Variants in COPZ1 observed in about 807,000 individuals in gnomAD.
COPZ1 encodes coat protein complex I subunit zeta 1, also known as coatomer subunit zeta-1.
COPZ1 carries 4 observed loss-of-function variants against 31.7 expected under a neutral mutation model. That is an observed-to-expected ratio of 0.13 (90% CI 0.06 to 0.29). The LOEUF (loss-of-function observed/expected upper bound fraction) is 0.29, where lower values mean the gene tolerates loss of function less well. Ranked by LOEUF, COPZ1 falls within the 10% of genes least tolerant of loss-of-function variation. COPZ1 has a pLI of 1.00. For missense variants in COPZ1, 156 were observed against 211.5 expected, an observed-to-expected ratio of 0.74 and a Z score of 1.63; for synonymous variants, 74 against 79.0, an observed-to-expected ratio of 0.94 and a Z score of 0.33.
chr12:54,326,961 C>CTTTTTTTTTTTTTTTTTTT lies in COPZ1; in HGVS notation c.18+1799_18+1817dup, dbSNP rs60827109. On this transcript the variant is annotated intron_variant, in intron 1 of 8. Coordinates refer to ENST00000262061, the MANE Select transcript of COPZ1 (RefSeq NM_016057.3). ...CTGTACCAAGCAGTTAACAAGTATTCTTTTTTTTTTTTTTTTTTTTTTTTT... is the reference window on the plus strand; with the variant it reads ...CTGTACCAAGCAGTTAACAAGTATTCTTTTTTTTTTTTTTTTTTTTTTTTTTTTTTTTTTTTTTTTTTTT... Among the ~76,000 whole-genome samples the CTTTTTTTTTTTTTTTTTTT allele has an allele frequency of 1.4e-4, 6 of 43,568 alleles. 2 individuals are homozygous for CTTTTTTTTTTTTTTTTTTT. The highest frequency in any genetic ancestry group is 7.3e-4 in the South Asian group (1 of 1,364). 28.6% of individuals were successfully genotyped at this position (43,568 alleles called of 152,430 possible). A position where few individuals can be genotyped will look rare whatever the true frequency, so the allele number is the denominator to read the frequency against.
At chr12:54,328,386 A>C (rs567173338) in intron 1 of COPZ1, among the ~76,000 whole-genome samples, 2 of 152,156 alleles carry the variant, frequency 1.3e-5, no homozygotes, top group East Asian at 3.9e-4. Flanking sequence ...CCTGACCAAC[A>C]TGGTGAAACC....
At chr12:54,342,405 CT>C (rs1953987231) in intron 3 of COPZ1, 118 bp downstream of exon 3, 1 of 744,832 alleles carries the variant, frequency 1.3e-6, no homozygotes, top group Non-Finnish European at 2.3e-6. Flanking sequence ...TTTTTTCCTT[CT>C]TCCCCTTGTA....
chr12:54,333,733 G>C (rs1304757981), intron 1 of COPZ1, among the ~76,000 whole-genome samples: 1 of 152,128 alleles, frequency 6.6e-6, no homozygotes, highest in African/African-American at 2.4e-5. Flanking sequence ...CAAAACTCTT[G>C]TTGACTGTGC....
chr12:54,326,355 T>G (rs1377656014), intron 1 of COPZ1, among the ~76,000 whole-genome samples: 1 of 145,932 alleles, frequency 6.9e-6, no homozygotes, highest in African/African-American at 2.6e-5. Flanking sequence ...TTAGCCAGGA[T>G]GGTCTCGATC....
chr12:54,350,164 C>G, intron 8 of COPZ1: 1 of 674,450 alleles, frequency 1.5e-6, no homozygotes, highest in Non-Finnish European at 2.7e-6. Context: ...AGAAGTCCAT[C>G]TGGATTTGTT....
chr12:54,332,001 A>G (rs1204146861), intron 1 of COPZ1, among the ~76,000 whole-genome samples: 2 of 152,170 alleles, frequency 1.3e-5, no homozygotes, highest in Non-Finnish European at 2.9e-5. Context: ...ATAGTTGAAG[A>G]ATTAGGGACT....
intron 1 of COPZ1, among the ~76,000 whole-genome samples, chr12:54,333,522 G>C (rs1355997133): frequency 6.6e-6 from 1 of 152,112 alleles, no homozygotes; most frequent in African/African-American, 2.4e-5. Flanking sequence ...GGGAAAATTT[G>C]AGTTAATGGC....
intron 1 of COPZ1, among the ~76,000 whole-genome samples, chr12:54,328,932 G>A (rs905870566): frequency 6.6e-6 from 1 of 152,178 alleles, no homozygotes; most frequent in Non-Finnish European, 1.5e-5. Flanking sequence ...TGCATTGATT[G>A]TGGAATTTCT....
chr12:54,342,958 G>A (rs1954000846), intron 3 of COPZ1, among the ~76,000 whole-genome samples: 1 of 149,266 alleles, frequency 6.7e-6, no homozygotes, highest in Non-Finnish European at 1.5e-5. Context: ...CCAGGTTCAA[G>A]TGGTTCTCCC....
intron 8 of COPZ1, chr12:54,350,197 C>G: frequency 1.4e-6 from 1 of 695,240 alleles, no homozygotes. Flanking sequence ...CCCGCCGCCC[C>G]TTTTAACATA....
chr12:54,330,191 A>G (rs889443599), intron 1 of COPZ1, among the ~76,000 whole-genome samples: 2 of 152,050 alleles, frequency 1.3e-5, no homozygotes, highest in African/African-American at 4.8e-5. Context: ...TGGCAGCAAT[A>G]AAAATTTTTA....
intron 1 of COPZ1, among the ~76,000 whole-genome samples, chr12:54,339,986 T>C (rs866834861): frequency 1.9e-5 from 2 of 104,016 alleles, no homozygotes; most frequent in Non-Finnish European, 1.9e-5. Flanking sequence ...TGTGCGTGTG[T>C]GTGTGTGTGT....
At chr12:54,350,222 C>CTTT in intron 8 of COPZ1, 3 of 542,866 alleles carry the variant, frequency 5.5e-6, no homozygotes, top group Admixed American at 2.5e-5. Context: ...CAGTAACTCC[C>CTTT]TTTTTTTTTT....
At chr12:54,340,681 G>A in intron 2 of COPZ1, 66 bp downstream of exon 2, 1 of 1,475,428 alleles carries the variant, frequency 6.8e-7, no homozygotes. Context: ...TGAATCTTGG[G>A]ACTGATACCT....
chr12:54,349,774 T>C (rs1954117063), intron 8 of COPZ1, 116 bp downstream of exon 8: 4 of 895,722 alleles, frequency 4.5e-6, no homozygotes, highest in Admixed American at 1.7e-5. Flanking sequence ...CACATCTTCC[T>C]TGGCTCCCTC....
chr12:54,340,099 C>T (rs1953948033), intron 1 of COPZ1, among the ~76,000 whole-genome samples: 2 of 151,836 alleles, frequency 1.3e-5, no homozygotes, highest in African/African-American at 4.8e-5. Context: ...CTACTGCATT[C>T]GGACTGCAGA....
chr12:54,335,742 G>A (rs930424384), intron 1 of COPZ1, among the ~76,000 whole-genome samples: 2 of 151,680 alleles, frequency 1.3e-5, no homozygotes, highest in African/African-American at 4.9e-5. Flanking sequence ...CGCAATTGTA[G>A]CTCACTACAG....
rs73314637 is a variant in COPZ1, at chr12:54,333,339, T to C, written c.19-7208T>C. 6.5e-3 allele frequency among the ~76,000 whole-genome samples: 995 copies of C among 152,194 alleles called. 16 individuals carry two copies. The highest frequency in any genetic ancestry group is 0.023 in the African/African-American group (964 of 41,514). On this transcript the variant is annotated intron_variant, in intron 1 of 8. Transcript: ENST00000262061. ...CTGGTATTACAGGTAGGAACCAGCA[T>C]GCCTAGCCATGAAATCATAAAAAAA...
At chr12:54,341,992 G>A (rs1160332715) in intron 2 of COPZ1, among the ~76,000 whole-genome samples, 4 of 152,212 alleles carry the variant, frequency 2.6e-5, no homozygotes, top group Non-Finnish European at 5.9e-5. Flanking sequence ...AATGTGAGGT[G>A]GGGTTGCTTA....
Sources: allele counts gnomAD v4.1 joint callset (sites outside exome capture counted in the v4.1 genomes callset), GRCh38; gene constraint gnomAD v4.1.1; transcripts MANE v1.5; gene names NCBI Gene and HGNC (gene_info 2026-07-23, HGNC 2026-07-21).